TMTC2: variants seen among roughly 807,000 people sequenced by gnomAD.
TMTC2 encodes the protein protein O-mannosyl-transferase TMTC2.
A neutral mutation model predicts 82.4 loss-of-function variants in TMTC2; 43 were observed. That is an observed-to-expected ratio of 0.52 (90% CI 0.41 to 0.67). The LOEUF (loss-of-function observed/expected upper bound fraction) is 0.67. Among genes scored for constraint, TMTC2 ranks in the 30% least tolerant of loss-of-function variants. The pLI, the probability that TMTC2 is intolerant of heterozygous loss-of-function variation, is 0.00. For missense variants in TMTC2, 919 were observed against 1,012.4 expected, an observed-to-expected ratio of 0.91 and a Z score of 1.25; for synonymous variants, 408 against 381.9, an observed-to-expected ratio of 1.07 and a Z score of -0.80.
At chr12:83,078,161 G>T (rs1428351978) in intron 11 of TMTC2, among the ~76,000 whole-genome samples, 1 of 151,966 alleles carries the variant, frequency 6.6e-6, no homozygotes, top group Non-Finnish European at 1.5e-5. Context: ...TATCGAGGGT[G>T]GGGGGATTCT....
intron 2 of TMTC2, among the ~76,000 whole-genome samples, chr12:82,885,818 C>T (rs904631793): frequency 4.6e-5 from 7 of 152,236 alleles, no homozygotes; most frequent in Admixed American, 2.0e-4. Flanking sequence ...GTTTCTCCAC[C>T]GTAAAGTTAC....
intron 2 of TMTC2, among the ~76,000 whole-genome samples, chr12:82,876,051 GTGGTGGTGGTGGTGGTGATGA>G (rs1427847667): frequency 1.5e-5 from 2 of 135,698 alleles, no homozygotes; most frequent in East Asian, 2.1e-4. Context: ...GGTGGTGGTG[GTGGTGGTGGTGGTGGTGATGA>G]TGATGATGGT....
intron 9 of TMTC2, among the ~76,000 whole-genome samples, chr12:83,049,526 GT>G (rs1178232303): frequency 6.6e-6 from 1 of 152,160 alleles, no homozygotes; most frequent in Non-Finnish European, 1.5e-5. Flanking sequence ...GTATTCCATG[GT>G]GTGTGTATAC....
chr12:82,903,564 A>G (rs1475843415), intron 3 of TMTC2, among the ~76,000 whole-genome samples: 1 of 152,044 alleles, frequency 6.6e-6, no homozygotes, highest in Non-Finnish European at 1.5e-5. Flanking sequence ...GGCGCCCGCC[A>G]CCACGCCCAG....
chr12:82,966,827 T>C, intron 6 of TMTC2, 92 bp from the exon 7 acceptor site: 1 of 935,606 alleles, frequency 1.1e-6, no homozygotes, highest in Non-Finnish European at 1.6e-6. Context: ...AGTGGATGGT[T>C]TTAACTTTGG....
chr12:83,002,146 A>G (rs1879955906), intron 8 of TMTC2, among the ~76,000 whole-genome samples: 1 of 152,118 alleles, frequency 6.6e-6, no homozygotes. Flanking sequence ...TACTGATTCA[A>G]TTTCAAAACT....
chr12:82,756,901 A>C (rs930037543), intron 1 of TMTC2, among the ~76,000 whole-genome samples: 1 of 152,128 alleles, frequency 6.6e-6, no homozygotes, highest in Non-Finnish European at 1.5e-5. Context: ...CTGTGAAGAG[A>C]ATTTGAATCA....
intron 11 of TMTC2, among the ~76,000 whole-genome samples, chr12:83,130,115 C>T (rs1355135717): frequency 6.6e-6 from 1 of 152,208 alleles, no homozygotes; most frequent in Non-Finnish European, 1.5e-5. Flanking sequence ...TTCTCCCTCC[C>T]TATTTCCACT....
intron 11 of TMTC2, among the ~76,000 whole-genome samples, chr12:83,070,088 C>T (rs1883057833): frequency 6.6e-6 from 1 of 152,004 alleles, no homozygotes; most frequent in Admixed American, 6.6e-5. Flanking sequence ...GTGTCTGTGG[C>T]CTTAGAGTAT....
intron 1 of TMTC2, among the ~76,000 whole-genome samples, chr12:82,775,343 G>A (rs906356049): frequency 2.6e-5 from 4 of 151,922 alleles, no homozygotes; most frequent in Non-Finnish European, 2.9e-5. Context: ...TCAGCTATTC[G>A]GGAGGCTAAG....
intron 9 of TMTC2, among the ~76,000 whole-genome samples, chr12:83,033,293 G>A (rs2137427095): frequency 6.6e-6 from 1 of 152,250 alleles, no homozygotes; most frequent in East Asian, 1.9e-4. Context: ...TATTTCAAAG[G>A]ATTGAATTTT....
chr12:83,003,097 T>C (rs1302199604), intron 8 of TMTC2, among the ~76,000 whole-genome samples: 5 of 152,328 alleles, frequency 3.3e-5, no homozygotes, highest in Admixed American at 1.3e-4. Flanking sequence ...ATCTGTGTGC[T>C]CTAATATTTG....
At chr12:83,065,114 C>T (rs935567286) in intron 11 of TMTC2, among the ~76,000 whole-genome samples, 1 of 151,936 alleles carries the variant, frequency 6.6e-6, no homozygotes, top group Admixed American at 6.6e-5. Flanking sequence ...TGTCAGGTCA[C>T]TACTATACAA....
chr12:82,804,008 G>A (rs1273726064), intron 1 of TMTC2, among the ~76,000 whole-genome samples: 1 of 152,000 alleles, frequency 6.6e-6, no homozygotes, highest in African/African-American at 2.4e-5. Context: ...AGACCCCTAT[G>A]GATTCATCTC....
intron 1 of TMTC2, among the ~76,000 whole-genome samples, chr12:82,776,498 T>C (rs908467986): frequency 7.9e-5 from 12 of 151,842 alleles, no homozygotes; most frequent in African/African-American, 2.9e-4. Context: ...TGGTCAGGCA[T>C]GGTGGCTCTT....
chr12:83,080,800 G>A (rs763749564), intron 11 of TMTC2, among the ~76,000 whole-genome samples: 40 of 152,298 alleles, frequency 2.6e-4, no homozygotes, highest in Non-Finnish European at 5.1e-4. Context: ...GAGAAGTGCT[G>A]TTCTTCAAAA....
intron 7 of TMTC2, among the ~76,000 whole-genome samples, chr12:82,981,906 G>A (rs914581038): frequency 4.6e-5 from 7 of 151,470 alleles, no homozygotes; most frequent in Middle Eastern, 3.2e-3. Context: ...GTTATTAAAT[G>A]TTTTATTCCC....
chr12:82,831,302 T>C (rs887829613), intron 1 of TMTC2, among the ~76,000 whole-genome samples: 6 of 152,200 alleles, frequency 3.9e-5, no homozygotes, highest in Admixed American at 3.3e-4. Context: ...CTCCTATTTT[T>C]AAGGTGGCTG....
At chr12:83,100,644 C>G (rs1486185218) in intron 11 of TMTC2, among the ~76,000 whole-genome samples, 1 of 151,620 alleles carries the variant, frequency 6.6e-6, no homozygotes, top group Non-Finnish European at 1.5e-5. Context: ...TTTTTTTCAG[C>G]AGAAATGATC....
Sources: gnomAD v4.1 joint callset for allele counts (sites outside exome capture counted in the v4.1 genomes callset) on GRCh38, gnomAD v4.1.1 for gene constraint, MANE v1.5 for transcripts, NCBI Gene and HGNC (gene_info 2026-07-23, HGNC 2026-07-21) for gene names.